FBXW4: variants seen among roughly 807,000 people sequenced by gnomAD.
FBXW4 encodes the protein F-box/WD repeat-containing protein 4.
In FBXW4, 40 loss-of-function variants were observed where a neutral mutation model predicts 61.8. That is an observed-to-expected ratio of 0.65 (90% CI 0.50 to 0.84). The LOEUF is 0.84. FBXW4 is among the 40% of genes least tolerant of loss of function. The probability of loss-of-function intolerance (pLI) is 0.00; values close to 1 mark genes in which losing one functional copy is unlikely to be tolerated. For missense variants in FBXW4, 672 were observed against 753.8 expected (o/e 0.89, Z 1.27); for synonymous variants, 311 against 313.8 (o/e 0.99, Z 0.10).
At chr10:101,653,804 C>G (rs568282769) in intron 5 of FBXW4, among the ~76,000 whole-genome samples, 22 of 152,250 alleles carry the variant, frequency 1.4e-4, no homozygotes, top group Non-Finnish European at 2.6e-4. Flanking sequence ...ATCTTGCACA[C>G]AGCAGCATTC....
intron 6 of FBXW4, among the ~76,000 whole-genome samples, chr10:101,616,423 T>C (rs1403561103): frequency 6.6e-6 from 1 of 152,210 alleles, no homozygotes; most frequent in African/African-American, 2.4e-5. Context: ...CAAGGAGTAT[T>C]CAATCCAGGG....
intron 6 of FBXW4, among the ~76,000 whole-genome samples, chr10:101,617,233 G>T (rs1482042816): frequency 6.6e-6 from 1 of 152,068 alleles, no homozygotes; most frequent in African/African-American, 2.4e-5. Context: ...AAGGCGCAGG[G>T]GTCACGCACC....
chr10:101,630,572 C>T (rs148845366), intron 5 of FBXW4, among the ~76,000 whole-genome samples: 275 of 152,298 alleles, frequency 1.8e-3, no homozygotes, highest in Non-Finnish European at 2.5e-3. Context: ...AGCAGTAAGT[C>T]CCAAAGCATG....
At chr10:101,639,789 C>T (rs1044767506) in intron 5 of FBXW4, among the ~76,000 whole-genome samples, 2 of 152,156 alleles carry the variant, frequency 1.3e-5, no homozygotes, top group Non-Finnish European at 2.9e-5. Flanking sequence ...GAGATGAGCA[C>T]CCCAGAAGGA....
chr10:101,683,728 G>A (rs2064503143), intron 1 of FBXW4, among the ~76,000 whole-genome samples: 1 of 152,120 alleles, frequency 6.6e-6, no homozygotes, highest in South Asian at 2.1e-4. Flanking sequence ...CTGGAACACA[G>A]ATCAATTTCC....
intron 1 of FBXW4, among the ~76,000 whole-genome samples, chr10:101,682,776 C>T (rs959053047): frequency 1.3e-5 from 2 of 152,008 alleles, no homozygotes; most frequent in Non-Finnish European, 2.9e-5. Context: ...GTGCAGGCAT[C>T]CTCTCCCAAG....
At chr10:101,623,654 C>T (rs2063885163) in intron 6 of FBXW4, among the ~76,000 whole-genome samples, 1 of 152,132 alleles carries the variant, frequency 6.6e-6, no homozygotes, top group African/African-American at 2.4e-5. Flanking sequence ...GCTTTAGTTG[C>T]AATAGTCAAA....
At chr10:101,681,918 A>T (rs1199397960) in intron 1 of FBXW4, among the ~76,000 whole-genome samples, 6 of 152,072 alleles carry the variant, frequency 3.9e-5, no homozygotes, top group South Asian at 2.1e-4. Context: ...GGAAACTGGG[A>T]TCTATATCCC....
At chr10:101,672,804 C>G in intron 4 of FBXW4, 111 bp downstream of exon 4, 1 of 1,336,312 alleles carries the variant, frequency 7.5e-7, no homozygotes, top group South Asian at 1.5e-5. Flanking sequence ...GTGTCGTTTT[C>G]TCCCCTGTCC....
At chr10:101,662,588 C>G (rs2064254603) in intron 5 of FBXW4, among the ~76,000 whole-genome samples, 1 of 152,158 alleles carries the variant, frequency 6.6e-6, no homozygotes, top group East Asian at 1.9e-4. Flanking sequence ...GATTAAAACC[C>G]AAGTGTCATG....
rs2063773323 is a variant in FBXW4, at chr10:101,610,757, G to A, written c.*534C>T. 1.3e-5 allele frequency: 2 copies of A among 152,624 alleles called. No individual in the cohort carries two copies. Among genetic ancestry groups the A allele is most frequent in the Non-Finnish European group, 2.9e-5 (2 of 68,366 alleles). The allele number at this position is 152,624 out of a possible 1,614,324, so 9.5% of individuals were successfully genotyped here. A position where few individuals can be genotyped will look rare whatever the true frequency, so the allele number is the denominator to read the frequency against. On this transcript the variant is annotated 3_prime_UTR_variant, in exon 9 of 9. Coordinates refer to ENST00000331272, the MANE Select transcript of FBXW4 (RefSeq NM_022039.4). ...GTAGGGCTGGCTCAGAACTCACTCAGAACTGCTGGGTTCCCTTTGCTCTTT... is the reference window on the plus strand; with the variant it reads ...GTAGGGCTGGCTCAGAACTCACTCAAAACTGCTGGGTTCCCTTTGCTCTTT...
chr10:101,693,701 G>A (rs188623080), intron 1 of FBXW4, among the ~76,000 whole-genome samples: 83 of 152,220 alleles, frequency 5.5e-4, no homozygotes, highest in Non-Finnish European at 9.3e-4. Context: ...AACAGTTTAA[G>A]TGGTTCAGAA....
intron 5 of FBXW4, among the ~76,000 whole-genome samples, chr10:101,667,278 T>C (rs1589770421): frequency 6.9e-6 from 1 of 145,838 alleles, no homozygotes; most frequent in Admixed American, 6.8e-5. Flanking sequence ...TAAAATAAAA[T>C]AAATAATAAT....
rs983748494 is a variant in FBXW4, at chr10:101,642,841, A to G, written c.1236-18031T>C. Among the ~76,000 whole-genome samples, 3 of 152,202 alleles carry G rather than the reference A, an allele frequency of 2.0e-5. No homozygotes were observed. The East Asian group carries it at 5.8e-4, about 29-fold the overall frequency. ...TGCCATGCCCACCATCAGCGCCACC[A>G]GGCCCTCCTTTAAAGTGCCAAGATT... On this transcript the variant is annotated intron_variant, in intron 5 of 8. Coordinates refer to ENST00000331272, the MANE Select transcript of FBXW4 (RefSeq NM_022039.4).
intron 5 of FBXW4, among the ~76,000 whole-genome samples, chr10:101,658,064 C>T (rs1159901547): frequency 1.3e-5 from 2 of 152,188 alleles, no homozygotes; most frequent in African/African-American, 4.8e-5. Flanking sequence ...CTCACTGATT[C>T]AGAGAAACTG....
chr10:101,678,450 G>C (rs2064438773), intron 1 of FBXW4, among the ~76,000 whole-genome samples: 1 of 152,196 alleles, frequency 6.6e-6, no homozygotes, highest in South Asian at 2.1e-4. Flanking sequence ...TTTTGAGACG[G>C]AGTCTCGCTC....
At chr10:101,668,050 A>C (rs2064323568) in intron 4 of FBXW4, 70 bp from the exon 5 acceptor site, 1 of 1,188,062 alleles carries the variant, frequency 8.4e-7, no homozygotes, top group Non-Finnish European at 1.3e-6. Flanking sequence ...GTGCTCCGGG[A>C]GAGGTGACTG....
rs2063773082 is a variant in FBXW4, at chr10:101,610,720, A to T, written c.*571T>A. The T allele has an allele frequency of 1.3e-5, 2 of 152,386 alleles. No homozygotes were observed. The highest frequency in any genetic ancestry group is 6.5e-5 in the Admixed American group (1 of 15,294). The allele number at this position is 152,386 out of a possible 1,614,324, so 9.4% of individuals were successfully genotyped here. A position where few individuals can be genotyped will look rare whatever the true frequency, so the allele number is the denominator to read the frequency against. Reference sequence around the variant, plus strand: ...AATGAAAATTGTAGCATGTCTCAACAGCCAGCCTGAGGTAGGGCTGGCTCA... The same window carrying T: ...AATGAAAATTGTAGCATGTCTCAACTGCCAGCCTGAGGTAGGGCTGGCTCA... On this transcript the variant is annotated 3_prime_UTR_variant, in exon 9 of 9. Transcript: ENST00000331272.
At chr10:101,647,681 TG>T (rs1297041862) in intron 5 of FBXW4, among the ~76,000 whole-genome samples, 4 of 152,218 alleles carry the variant, frequency 2.6e-5, no homozygotes, top group Admixed American at 2.6e-4. Flanking sequence ...CTAAGCCACT[TG>T]GGATGGGATA....
Sources: gnomAD v4.1 joint callset for allele counts (sites outside exome capture counted in the v4.1 genomes callset) on GRCh38, gnomAD v4.1.1 for gene constraint, MANE v1.5 for transcripts, NCBI Gene and HGNC (gene_info 2026-07-23, HGNC 2026-07-21) for gene names.